Variants in NTRK3 observed in about 807,000 individuals in gnomAD.
The protein encoded by NTRK3 is neurotrophic receptor tyrosine kinase 3.
NTRK3 carries 24 observed loss-of-function variants against 91.7 expected under a neutral mutation model. The ratio of observed to expected loss-of-function variants is 0.26; its 90% CI spans 0.19 to 0.37. NTRK3 has a LOEUF of 0.37. Ranked by LOEUF, NTRK3 falls within the 10% of genes least tolerant of loss-of-function variation. The pLI, the probability that NTRK3 is intolerant of heterozygous loss-of-function variation, is 1.00. For synonymous variants in NTRK3, 483 were observed against 404.0 expected (o/e 1.20, Z -2.34); for missense variants, 880 against 1,068.9 (o/e 0.82, Z 2.46).
intron 13 of NTRK3, among the ~76,000 whole-genome samples, chr15:88,107,498 C>A (rs150192731): frequency 2.0e-5 from 3 of 152,130 alleles, no homozygotes; most frequent in Non-Finnish European, 4.4e-5. Context: ...AGGCTCAATG[C>A]ACAGTTTCAA....
Position 88,127,160 on chromosome 15 carries a change from A to T in NTRK3, c.1293+2T>A. 1 of 1,613,618 alleles carries T rather than the reference A, an allele frequency of 6.2e-7. No homozygotes were observed. Among genetic ancestry groups the T allele is most frequent in the Non-Finnish European group, 8.5e-7 (1 of 1,179,740 alleles). ...ACTCCTCTTGACCAAGAAGTGACTC[A>T]CCCCAAAAGTGTCTTCTTCTGGTTT... On this transcript the variant is annotated splice_donor_variant, in intron 12 of 18. Transcript: ENST00000394480. LOFTEE classifies it high-confidence loss of function.
At chr15:88,207,810 C>T (rs1312452319) in intron 3 of NTRK3, among the ~76,000 whole-genome samples, 1 of 152,218 alleles carries the variant, frequency 6.6e-6, no homozygotes, top group Non-Finnish European at 1.5e-5. Context: ...GTGCTCAGCT[C>T]ATGGGAGATG....
rs561087581 is a variant in NTRK3 at position 88,217,525 on chromosome 15, A to G, written c.249-33226T>C. Among the ~76,000 whole-genome samples the G allele has an allele frequency of 1.2e-4, 19 of 152,330 alleles. 1 individual carries two copies. The South Asian group carries it at 3.9e-3, about 32-fold the overall frequency. The stretch of plus-strand genomic sequence containing the variant: ...AAAAATACAAACGCTGTCCGATTCC[A>G]CTTACATGAGGTACCTAGAACAGCC... On this transcript the variant is annotated intron_variant, in intron 3 of 18. Transcript: ENST00000394480.
At chr15:88,117,052 A>T (rs559831614) in intron 13 of NTRK3, among the ~76,000 whole-genome samples, 1 of 152,340 alleles carries the variant, frequency 6.6e-6, no homozygotes, top group East Asian at 1.9e-4. Context: ...CTGCACATAG[A>T]AATCACCAGA....
chr15:87,986,347 ATCT>A (rs2074784975), intron 14 of NTRK3, among the ~76,000 whole-genome samples: 1 of 152,346 alleles, frequency 6.6e-6, no homozygotes, highest in South Asian at 2.1e-4. Context: ...ATATTTTGAT[ATCT>A]TCTTCTCAAA....
chr15:88,068,203 G>A (rs2046818552), intron 13 of NTRK3, among the ~76,000 whole-genome samples: 1 of 152,144 alleles, frequency 6.6e-6, no homozygotes, highest in African/African-American at 2.4e-5. Flanking sequence ...AGGCTGAGGA[G>A]AGGGGATCAC....
intron 14 of NTRK3, among the ~76,000 whole-genome samples, chr15:87,984,836 C>T (rs77283483): frequency 0.026 from 3,899 of 152,218 alleles, 66 homozygotes; most frequent in South Asian, 0.056. Context: ...TCAGTTTATA[C>T]GAGGTGTGTG....
intron 3 of NTRK3, among the ~76,000 whole-genome samples, chr15:88,239,669 A>G (rs1358551209): frequency 1.3e-5 from 2 of 152,186 alleles, no homozygotes. Context: ...AGAAACAGAC[A>G]GAGAACCAAG....
chr15:87,938,942 G>T (rs751395021), intron 15 of NTRK3, among the ~76,000 whole-genome samples: 1 of 152,118 alleles, frequency 6.6e-6, no homozygotes, highest in East Asian at 1.9e-4. Context: ...TTAGGATGCA[G>T]GACTCTTGTT....
chr15:88,119,839 G>T (rs1242173491), intron 13 of NTRK3, among the ~76,000 whole-genome samples: 2 of 152,090 alleles, frequency 1.3e-5, no homozygotes, highest in Non-Finnish European at 2.9e-5. Context: ...TATTGTGCAG[G>T]GTGAAAGAAA....
intron 17 of NTRK3, among the ~76,000 whole-genome samples, chr15:87,895,076 G>C (rs1373298586): frequency 2.0e-5 from 3 of 152,064 alleles, no homozygotes; most frequent in Non-Finnish European, 4.4e-5. Context: ...TCAGAACCCA[G>C]GGCTTGAAAG....
chr15:87,996,823 G>T (rs868156513), intron 14 of NTRK3, among the ~76,000 whole-genome samples: 22 of 152,198 alleles, frequency 1.4e-4, no homozygotes, highest in African/African-American at 5.3e-4. Context: ...GACTTGCTAA[G>T]ATCAGTGGAA....
At chr15:88,216,996 T>C (rs1262090308) in intron 3 of NTRK3, among the ~76,000 whole-genome samples, 1 of 152,158 alleles carries the variant, frequency 6.6e-6, no homozygotes, top group Non-Finnish European at 1.5e-5. Context: ...AAATGACTCT[T>C]ATGGCCGATA....
intron 14 of NTRK3, among the ~76,000 whole-genome samples, chr15:87,971,854 C>T (rs1284426688): frequency 5.3e-5 from 8 of 152,292 alleles, no homozygotes; most frequent in African/African-American, 1.7e-4. Context: ...AAGAGAAGTG[C>T]GTTTTTGAAG....
exon 19 of NTRK3, chr15:87,876,476 G>A (rs554965863): frequency 7.5e-5 from 17 of 227,128 alleles, no homozygotes; most frequent in Middle Eastern, 2.7e-3. Context: ...AACTCCTCCC[G>A]TCCCAGAGCT....
chr15:88,086,123 G>C (rs945224948), intron 13 of NTRK3, among the ~76,000 whole-genome samples: 4 of 152,166 alleles, frequency 2.6e-5, no homozygotes, highest in African/African-American at 9.7e-5. Flanking sequence ...AACCAGAACC[G>C]TTCTCTAGAG....
intron 14 of NTRK3, among the ~76,000 whole-genome samples, chr15:87,942,650 C>T (rs2070003125): frequency 6.6e-6 from 1 of 152,184 alleles, no homozygotes; most frequent in African/African-American, 2.4e-5. Context: ...TGGGAAGCCA[C>T]AGGTGCTTGC....
intron 17 of NTRK3, among the ~76,000 whole-genome samples, chr15:87,910,785 A>G (rs1386339582): frequency 3.9e-5 from 6 of 152,194 alleles, no homozygotes; most frequent in Admixed American, 6.5e-5. Flanking sequence ...CAACAAGAAT[A>G]CTATGCATCA....
intron 14 of NTRK3, among the ~76,000 whole-genome samples, chr15:87,980,665 T>G (rs2074175510): frequency 6.6e-6 from 1 of 152,134 alleles, no homozygotes; most frequent in Admixed American, 6.5e-5. Flanking sequence ...GGGAAAAACT[T>G]GAAACAAAAT....
Sources: gnomAD v4.1 joint callset for allele counts (sites outside exome capture counted in the v4.1 genomes callset) on GRCh38, gnomAD v4.1.1 for gene constraint, MANE v1.5 for transcripts, NCBI Gene and HGNC (gene_info 2026-07-23, HGNC 2026-07-21) for gene names.